Variants in COL4A3 observed in about 807,000 individuals in gnomAD.
The protein encoded by COL4A3 is collagen alpha-3(IV) chain.
COL4A3 carries 135 observed loss-of-function variants against 217.4 expected under a neutral mutation model. The ratio of observed to expected loss-of-function variants is 0.62; its 90% CI spans 0.54 to 0.72. The LOEUF (loss-of-function observed/expected upper bound fraction) is 0.72. Among genes scored for constraint, COL4A3 ranks in the 30% least tolerant of loss-of-function variants. COL4A3 has a pLI of 0.00. For synonymous variants in COL4A3, 690 were observed against 736.3 expected (o/e 0.94, Z 1.02); for missense variants, 1,868 against 2,119.9 (o/e 0.88, Z 2.33).
chr2:227,270,082 T>C (rs1414078350), intron 24 of COL4A3, 102 bp downstream of exon 24: 1 of 872,850 alleles, frequency 1.1e-6, no homozygotes, highest in Admixed American at 2.0e-5. Flanking sequence ...TTGCAAACAG[T>C]AGGCACTTAA....
intron 9 of COL4A3, among the ~76,000 whole-genome samples, chr2:227,248,941 G>A (rs933697552): frequency 1.3e-5 from 2 of 151,458 alleles, no homozygotes; most frequent in African/African-American, 4.9e-5. Flanking sequence ...ATAAATAAAA[G>A]GTTTTTATTT....
At chr2:227,298,159 C>G (rs2073115277) in intron 42 of COL4A3, among the ~76,000 whole-genome samples, 1 of 152,074 alleles carries the variant, frequency 6.6e-6, no homozygotes, top group Admixed American at 6.5e-5. Flanking sequence ...ACTAGCCTGG[C>G]CAACATGGTG....
chr2:227,246,712 G>C lies in COL4A3; in HGVS notation c.415G>C (p.Gly139Arg). 1.2e-6 allele frequency: 2 copies of C among 1,612,796 alleles called. No individual in the cohort carries two copies. Among genetic ancestry groups the C allele is most frequent in the Non-Finnish European group, 8.5e-7 (1 of 1,178,932 alleles). The change falls in exon 7 of 52, where the codon GGG becomes CGG. Residue 139 changes from glycine (G) to arginine (R), a missense_variant. By Grantham distance (125) the Gly-to-Arg change is moderately radical. Coordinates refer to ENST00000396578, the MANE Select transcript of COL4A3 (RefSeq NM_000091.5). ...TGAGCAGGGGTTTCCAGGACTCCCA[G>C]GGACACTGGGCTACCCAGGGATCCC... ...KGEQGFPGLPGTLGYPGIPGA... is the reference protein window; with the variant it reads ...KGEQGFPGLPRTLGYPGIPGA...
intron 1 of COL4A3, among the ~76,000 whole-genome samples, chr2:227,170,568 C>T (rs1052244360): frequency 6.6e-6 from 1 of 151,964 alleles, no homozygotes; most frequent in African/African-American, 2.4e-5. Flanking sequence ...AAGAAACCAC[C>T]CCCATGATTC....
chr2:227,185,960 T>G (rs1171022365), intron 1 of COL4A3, among the ~76,000 whole-genome samples: 1 of 152,202 alleles, frequency 6.6e-6, no homozygotes, highest in African/African-American at 2.4e-5. Flanking sequence ...CATCACCCTC[T>G]TGGACCTGGA....
At chr2:227,186,670 G>A (rs1266623259) in intron 1 of COL4A3, among the ~76,000 whole-genome samples, 1 of 152,122 alleles carries the variant, frequency 6.6e-6, no homozygotes, top group East Asian at 1.9e-4. Context: ...ATGCCATGAG[G>A]GAGAGTGTAG....
chr2:227,223,742 AAAT>A (rs1442225085), intron 1 of COL4A3, among the ~76,000 whole-genome samples: 1 of 116,794 alleles, frequency 8.6e-6, no homozygotes, highest in African/African-American at 2.7e-5. Context: ...TCAAATAAAT[AAAT>A]AAACAAATAA....
At chr2:227,273,185 G>C in intron 26 of COL4A3, 68 bp downstream of exon 26, 1 of 1,536,334 alleles carries the variant, frequency 6.5e-7, no homozygotes, top group Non-Finnish European at 9.0e-7. Flanking sequence ...AGCTAACGAA[G>C]CTTCTCCAAG....
chr2:227,270,765 C>A lies in COL4A3; in HGVS notation c.1576-5C>A. The A allele has an allele frequency of 6.2e-7, 1 of 1,613,598 alleles. No homozygotes were observed. The highest frequency in any genetic ancestry group is 1.1e-5 in the South Asian group (1 of 91,052). On this transcript the variant is annotated splice_region_variant and splice_polypyrimidine_tract_variant and intron_variant, in intron 24 of 51. Transcript: ENST00000396578. ...CAATACAGATTCATTTGTGTACTACCCTAGGGTTTCCCAGGTGCCCAGGGT... is the reference window on the plus strand; with the variant it reads ...CAATACAGATTCATTTGTGTACTACACTAGGGTTTCCCAGGTGCCCAGGGT...
In COL4A3 at chr2:227,282,417, T is replaced by C; in HGVS notation, c.2541T>C (p.Asp847=). 1 of 1,613,682 alleles carries C rather than the reference T, an allele frequency of 6.2e-7. No homozygotes were observed. The highest frequency in any genetic ancestry group is 8.5e-7 in the Non-Finnish European group (1 of 1,179,930). ...GAGACCCAGGAATTCCAGGCTTGGA[T>C]AGATCAGGATTTCCTGGAGAAACTG... ...PKGDPGIPGL[D]RSGFPGETGS... Residue 847 remains aspartate (D), a synonymous_variant, in exon 32 of 52, where the codon GAT becomes GAC. Coordinates refer to ENST00000396578, the MANE Select transcript of COL4A3 (RefSeq NM_000091.5). The surrounding 1 kb of genome is among the most constrained non-coding windows in gnomAD (Gnocchi z 4.4).
At chr2:227,205,006 TG>T (rs1184876787) in intron 1 of COL4A3, among the ~76,000 whole-genome samples, 1 of 152,146 alleles carries the variant, frequency 6.6e-6, no homozygotes, top group African/African-American at 2.4e-5. Context: ...TCTTTTACAA[TG>T]GGTAAGTGAA....
At chr2:227,285,397 C>T (rs2072258811) in intron 34 of COL4A3, among the ~76,000 whole-genome samples, 1 of 150,830 alleles carries the variant, frequency 6.6e-6, no homozygotes, top group Non-Finnish European at 1.5e-5. Flanking sequence ...CTCATCTAAC[C>T]TGGTGTTGAA....
intron 46 of COL4A3, chr2:227,304,358 G>C (rs2073415432): frequency 1.7e-6 from 1 of 589,898 alleles, no homozygotes; most frequent in Non-Finnish European, 3.0e-6. Context: ...AGTATAACTT[G>C]AACAAATACA....
intron 1 of COL4A3, among the ~76,000 whole-genome samples, chr2:227,232,109 T>A (rs1158011490): frequency 1.3e-5 from 2 of 152,216 alleles, no homozygotes; most frequent in Admixed American, 1.3e-4. Context: ...TGATCTCCAG[T>A]TCCATCCATG....
At chr2:227,246,851 C>T in intron 7 of COL4A3, 113 bp downstream of exon 7, 1 of 879,608 alleles carries the variant, frequency 1.1e-6, no homozygotes, top group Non-Finnish European at 2.0e-6. Context: ...TCTGGGGTAG[C>T]CATAGTAGAC....
At chr2:227,269,618 T>C (rs1277618854) in intron 23 of COL4A3, among the ~76,000 whole-genome samples, 1 of 152,166 alleles carries the variant, frequency 6.6e-6, no homozygotes, top group Non-Finnish European at 1.5e-5. Flanking sequence ...TGCATAATTT[T>C]CTTATAATGA....
At chr2:227,188,518 G>A (rs909250523) in intron 1 of COL4A3, among the ~76,000 whole-genome samples, 4 of 151,288 alleles carry the variant, frequency 2.6e-5, no homozygotes, top group Non-Finnish European at 2.9e-5. Flanking sequence ...TCCATCTCAC[G>A]TAACAGAGTT....
At chr2:227,249,059 G>A (rs1005111360) in intron 9 of COL4A3, among the ~76,000 whole-genome samples, 4 of 150,142 alleles carry the variant, frequency 2.7e-5, no homozygotes, top group Non-Finnish European at 5.9e-5. Context: ...TTATATGTAC[G>A]TAGCCTGAGT....
intron 48 of COL4A3, 28 bp downstream of exon 48, chr2:227,307,947 G>C: frequency 6.3e-7 from 1 of 1,595,968 alleles, no homozygotes; most frequent in Non-Finnish European, 8.6e-7. Context: ...GTTGCCAGTT[G>C]TGCTGTTCCA....
Sources: allele counts gnomAD v4.1 joint callset (sites outside exome capture counted in the v4.1 genomes callset), GRCh38; gene constraint gnomAD v4.1.1; non-coding constraint Gnocchi (gnomAD v3.1); transcripts MANE v1.5; gene names NCBI Gene and HGNC (gene_info 2026-07-23, HGNC 2026-07-21).